The following USP34 variants were observed in gnomAD, a reference collection of about 807,000 sequenced individuals.
The protein encoded by USP34 is ubiquitin specific peptidase 34.
Under a neutral mutation model 460.3 loss-of-function variants are expected in USP34, and 70 were observed. That is an observed-to-expected ratio of 0.15 (90% CI 0.13 to 0.19). The LOEUF (loss-of-function observed/expected upper bound fraction) is 0.19. Ranked by LOEUF, USP34 falls within the 10% of genes least tolerant of loss-of-function variation. The pLI, the probability that USP34 is intolerant of heterozygous loss-of-function variation, is 1.00. For synonymous variants in USP34, 1,647 were observed against 1,405.3 expected, an observed-to-expected ratio of 1.17 and a Z score of -3.85; for missense variants, 3,985 against 4,236.2, an observed-to-expected ratio of 0.94 and a Z score of 1.65.
In USP34 at chr2:61,408,185, G is replaced by GAAGT. The variant is rs199675789; in HGVS notation, c.132-2061_132-2058dup. Among the ~76,000 whole-genome samples the GAAGT allele has an allele frequency of 2.2e-3, 333 of 152,154 alleles. 9 individuals are homozygous for GAAGT. In the East Asian group the frequency reaches 0.055, roughly 25 times the overall value. ...TCACTATCTAAAGCAAGCCAACTTG[G>GAAGT]AAGTATATCCTCCAGCCCCACATGA... is the stretch of plus-strand genomic sequence containing the variant. On this transcript the variant is annotated intron_variant, in intron 2 of 79. Coordinates refer to ENST00000398571, the MANE Select transcript of USP34 (RefSeq NM_014709.4).
chr2:61,374,111 G>A (rs1482773207), intron 8 of USP34, among the ~76,000 whole-genome samples: 1 of 149,974 alleles, frequency 6.7e-6, no homozygotes, highest in East Asian at 2.0e-4. Flanking sequence ...AGCCGAGATC[G>A]TGCCATTGCA....
At chr2:61,440,671 C>T (rs950920181) in intron 1 of USP34, among the ~76,000 whole-genome samples, 2 of 151,782 alleles carry the variant, frequency 1.3e-5, no homozygotes, top group African/African-American at 4.8e-5. Context: ...GCGCCCACCA[C>T]CATACCCGGC....
At chr2:61,260,669 A>T (rs1688852750) in intron 43 of USP34, among the ~76,000 whole-genome samples, 1 of 152,220 alleles carries the variant, frequency 6.6e-6, no homozygotes. Context: ...AACAAAGGGA[A>T]TCAACAAAAT....
chr2:61,347,870 C>A lies in USP34; in HGVS notation c.2285G>T (p.Gly762Val). ...HHHHHHHHHD[G>V]HMVDDMLSAD... The stretch of plus-strand genomic sequence containing the variant: ...AATATTTATTTTGAAGTAGGCTTAC[C>A]CATCGTGGTGGTGGTGATGGTGGTG... Residue 762 changes from glycine to valine, a missense_variant and splice_region_variant, in exon 15 of 80, where the codon GGG (glycine) becomes GTG (valine). By Grantham distance (109) the Gly-to-Val change is moderately radical. Coordinates refer to ENST00000398571, the MANE Select transcript of USP34 (RefSeq NM_014709.4). 6.2e-7 allele frequency: 1 copy of A among 1,610,956 alleles called. No homozygotes were observed. The highest frequency in any genetic ancestry group is 8.5e-7 in the Non-Finnish European group (1 of 1,178,174).
chr2:61,420,255 G>C (rs1220281931), intron 2 of USP34, among the ~76,000 whole-genome samples: 1 of 152,098 alleles, frequency 6.6e-6, no homozygotes, highest in Non-Finnish European at 1.5e-5. Flanking sequence ...TGAGGAACAG[G>C]AATCCTTTTT....
chr2:61,225,974 C>T (rs1014648184), intron 62 of USP34, among the ~76,000 whole-genome samples: 1 of 152,084 alleles, frequency 6.6e-6, no homozygotes, highest in Admixed American at 6.6e-5. Context: ...CTTATTTTTA[C>T]AGATGGATCT....
intron 3 of USP34, among the ~76,000 whole-genome samples, chr2:61,402,065 C>T (rs1693737490): frequency 6.6e-6 from 1 of 151,404 alleles, no homozygotes; most frequent in Non-Finnish European, 1.5e-5. Flanking sequence ...AGGCTGGTCT[C>T]GATAAACCCC....
In USP34 at chr2:61,227,076, C is replaced by A; in HGVS notation, c.7586G>T (p.Arg2529Leu). ...ATTCGAAACATTTCACCTTTCTGAT[C>A]GAGACTGTTCAACCAAAAGAGCAAC... ...ALVALLVEQS[R>L]SERHLTLSQT... is the part of the protein sequence containing the mutation. Residue 2529 changes from arginine to leucine, a missense_variant, in exon 62 of 80, where the codon CGA becomes CTA. Coordinates refer to ENST00000398571, the MANE Select transcript of USP34 (RefSeq NM_014709.4). 6.2e-7 allele frequency: 1 copy of A among 1,603,030 alleles called. No individual in the cohort carries two copies. Among genetic ancestry groups the A allele is most frequent in the Non-Finnish European group, 8.5e-7 (1 of 1,177,360 alleles).
rs1690687266 is a variant in USP34 at position 61,314,598 on chromosome 2, C to T, written c.3529G>A (p.Ala1177Thr). 1 of 1,534,654 alleles carries T rather than the reference C, an allele frequency of 6.5e-7. No individual in the cohort carries two copies. Among genetic ancestry groups the T allele is most frequent in the Non-Finnish European group, 8.7e-7 (1 of 1,149,806 alleles). Residue 1177 changes from alanine to threonine, a missense_variant, in exon 25 of 80, where the codon GCG (alanine) becomes ACG (threonine). Physicochemically the swap from Ala to Thr is moderately conservative, Grantham distance 58. Around this residue, in one of 14 missense-constraint regions of USP34, gnomAD observed 1,114 missense variants for 1,122.5 expected, o/e 0.99. Transcript: ENST00000398571. ...TTTAAAAATTACCTTCTCCTAAACG[C>T]TTCCAGATGTGTCTTCAGCATAAGG... ...GLLMLKTHLE[A>T]FRRRFAYHLR...
At chr2:61,356,480 C>CGT (rs1692110012) in intron 10 of USP34, among the ~76,000 whole-genome samples, 2 of 131,454 alleles carry the variant, frequency 1.5e-5, no homozygotes, top group South Asian at 7.3e-4. Flanking sequence ...AAAGCGCACA[C>CGT]ACACACACAC....
At chr2:61,388,187 G>T (rs575488144) in intron 5 of USP34, among the ~76,000 whole-genome samples, 1 of 151,982 alleles carries the variant, frequency 6.6e-6, no homozygotes, top group Admixed American at 6.6e-5. Flanking sequence ...AGGTTGCAAC[G>T]AATTGAGATC....
chr2:61,455,936 C>T (rs1695424923), intron 1 of USP34, among the ~76,000 whole-genome samples: 1 of 152,014 alleles, frequency 6.6e-6, no homozygotes, highest in African/African-American at 2.4e-5. Flanking sequence ...ATGACAGGAG[C>T]AAGATTTGAA....
chr2:61,458,630 A>C (rs924935158), intron 1 of USP34, among the ~76,000 whole-genome samples: 9 of 151,780 alleles, frequency 5.9e-5, no homozygotes, highest in Non-Finnish European at 1.0e-4. Context: ...AGGAAAAAAA[A>C]AAAAAAAAAG....
intron 51 of USP34, among the ~76,000 whole-genome samples, chr2:61,243,802 G>A (rs1349175719): frequency 2.4e-4 from 36 of 151,592 alleles, no homozygotes; most frequent in Non-Finnish European, 5.9e-5. Context: ...ACCAGAAGTT[G>A]GAGGCTGCAG....
intron 1 of USP34, among the ~76,000 whole-genome samples, chr2:61,447,024 G>A (rs149525929): frequency 0.01 from 1,575 of 152,128 alleles, 19 homozygotes; most frequent in African/African-American, 0.034. Context: ...GGAGGCCAAG[G>A]CAAGCAGATC....
At chr2:61,419,146 T>C (rs1024539802) in intron 2 of USP34, among the ~76,000 whole-genome samples, 3 of 152,148 alleles carry the variant, frequency 2.0e-5, no homozygotes, top group Non-Finnish European at 2.9e-5. Context: ...TCACAGGTGA[T>C]GAAGCAGGAC....
intron 62 of USP34, among the ~76,000 whole-genome samples, chr2:61,224,929 T>C (rs1185798553): frequency 2.6e-5 from 4 of 152,172 alleles, no homozygotes; most frequent in African/African-American, 4.8e-5. Context: ...CATTCCAAAC[T>C]TCTCATTCAT....
At chr2:61,431,049 C>T (rs919213319) in intron 1 of USP34, among the ~76,000 whole-genome samples, 14 of 151,494 alleles carry the variant, frequency 9.2e-5, no homozygotes, top group African/African-American at 2.2e-4. Context: ...TGAAATGAAA[C>T]GAAAACTAAA....
chr2:61,323,074 G>A (rs1221030558), intron 21 of USP34, among the ~76,000 whole-genome samples: 1 of 152,166 alleles, frequency 6.6e-6, no homozygotes, highest in African/African-American at 2.4e-5. Context: ...AACAGGAACT[G>A]TGCCAATAAG....
Sources: gnomAD v4.1 joint callset for allele counts (sites outside exome capture counted in the v4.1 genomes callset) on GRCh38, gnomAD v4.1.1 for gene constraint, gnomAD v4.1.1 regional missense constraint, MANE v1.5 for transcripts, NCBI Gene and HGNC (gene_info 2026-07-23, HGNC 2026-07-21) for gene names.